Variants in DPP10 observed in about 807,000 individuals in gnomAD.
DPP10 encodes the protein dipeptidyl peptidase like 10.
Under a neutral mutation model 120.9 loss-of-function variants are expected in DPP10, and 33 were observed. The ratio of observed to expected loss-of-function variants is 0.27; its 90% CI spans 0.21 to 0.37. The LOEUF (loss-of-function observed/expected upper bound fraction) is 0.37. DPP10 is among the 10% of genes least tolerant of loss of function. The pLI is 1.00. For missense variants in DPP10, 816 were observed against 942.8 expected, an observed-to-expected ratio of 0.87 and a Z score of 1.76; for synonymous variants, 337 against 326.1, an observed-to-expected ratio of 1.03 and a Z score of -0.36.
At chr2:115,544,866 A>G (rs1229593314) in intron 5 of DPP10, among the ~76,000 whole-genome samples, 4 of 151,960 alleles carry the variant, frequency 2.6e-5, no homozygotes, top group Non-Finnish European at 5.9e-5. Context: ...CTTTTGCTTT[A>G]TTTTGGTTCG....
chr2:114,764,608 A>G (rs1282242851), intron 1 of DPP10, among the ~76,000 whole-genome samples: 2 of 152,056 alleles, frequency 1.3e-5, no homozygotes, highest in Middle Eastern at 3.4e-3. Flanking sequence ...CATGAAGCCT[A>G]ATAATGCATC....
chr2:115,402,949 G>GTA (rs59185016), intron 3 of DPP10, among the ~76,000 whole-genome samples: 4,011 of 140,884 alleles, frequency 0.028, 203 homozygotes, highest in African/African-American at 0.097. Flanking sequence ...ATGTGTGTGT[G>GTA]TATATATATA....
intron 1 of DPP10, among the ~76,000 whole-genome samples, chr2:115,270,169 T>C (rs2059638007): frequency 6.6e-6 from 1 of 151,782 alleles, no homozygotes; most frequent in South Asian, 2.1e-4. Context: ...CCTTTGCAGC[T>C]CTTGTCTGTT....
At chr2:115,070,749 A>G (rs1707297605) in intron 1 of DPP10, among the ~76,000 whole-genome samples, 1 of 152,182 alleles carries the variant, frequency 6.6e-6, no homozygotes, top group East Asian at 1.9e-4. Flanking sequence ...GTAGAATACT[A>G]ATTTGTTAAT....
At chr2:115,015,154 C>T (rs991405929) in intron 1 of DPP10, among the ~76,000 whole-genome samples, 5 of 152,124 alleles carry the variant, frequency 3.3e-5, no homozygotes, top group South Asian at 2.1e-4. Context: ...TTATCCACCA[C>T]GATCAAGTTG....
At chr2:114,790,808 G>T (rs1354248996) in intron 1 of DPP10, among the ~76,000 whole-genome samples, 1 of 152,170 alleles carries the variant, frequency 6.6e-6, no homozygotes, top group Non-Finnish European at 1.5e-5. Flanking sequence ...ATCAGTTAAG[G>T]TGGGGCAGGG....
At chr2:115,796,560 A>C (rs989403598) in intron 19 of DPP10, among the ~76,000 whole-genome samples, 1 of 152,098 alleles carries the variant, frequency 6.6e-6, no homozygotes, top group Non-Finnish European at 1.5e-5. Flanking sequence ...GTATGGGTCC[A>C]TTTCTCTGCA....
intron 1 of DPP10, among the ~76,000 whole-genome samples, chr2:114,700,969 T>C (rs1194282477): frequency 6.6e-6 from 1 of 152,062 alleles, no homozygotes; most frequent in South Asian, 2.1e-4. Context: ...TTCAGCAAAG[T>C]GACAATAGAG....
intron 3 of DPP10, among the ~76,000 whole-genome samples, chr2:115,474,114 A>AG (rs1391629851): frequency 6.6e-6 from 1 of 152,176 alleles, no homozygotes; most frequent in East Asian, 1.9e-4. Context: ...TCTCAGGTAG[A>AG]TTGTTTTGCA....
intron 1 of DPP10, among the ~76,000 whole-genome samples, chr2:114,894,495 T>C (rs1032610503): frequency 6.6e-6 from 1 of 152,194 alleles, no homozygotes; most frequent in Non-Finnish European, 1.5e-5. Context: ...TCGCTAAACC[T>C]CAGTCCACTC....
intron 1 of DPP10, among the ~76,000 whole-genome samples, chr2:115,071,847 C>T (rs1707393909): frequency 6.6e-6 from 1 of 151,950 alleles, no homozygotes; most frequent in Non-Finnish European, 1.5e-5. Flanking sequence ...AATCTAGGCA[C>T]CTCAAAAAAG....
chr2:115,285,583 A>AC (rs2060332036), intron 1 of DPP10, among the ~76,000 whole-genome samples: 2 of 152,106 alleles, frequency 1.3e-5, no homozygotes, highest in East Asian at 3.9e-4. Context: ...GCATGTAAGC[A>AC]GTACCACACT....
chr2:115,309,320 C>T lies in DPP10; in HGVS notation c.142C>T (p.Leu48Phe), dbSNP rs374280028. Reference sequence around the variant, plus strand: ...GCTGGTGATTTTAGTTGTATGCTCACTCATCACTATGTCAGTCATCCTCTT... The same window carrying T: ...GCTGGTGATTTTAGTTGTATGCTCATTCATCACTATGTCAGTCATCCTCTT... ...ALLVILVVCS[L>F]ITMSVILLTP... Residue 48 changes from leucine (L) to phenylalanine (F), a missense_variant, in exon 2 of 26, where the codon CTC becomes TTC. Leu to Phe is a conservative substitution (Grantham distance 22). Transcript: ENST00000410059. The T allele has an allele frequency of 6.8e-5, 110 of 1,613,306 alleles. No individual in the cohort carries two copies. Among genetic ancestry groups the T allele is most frequent in the Non-Finnish European group, 8.6e-5 (102 of 1,179,614 alleles).
chr2:114,792,271 G>T lies in DPP10; in HGVS notation c.60+349433G>T, dbSNP rs576122041. On this transcript the variant is annotated intron_variant, in intron 1 of 25. Transcript: ENST00000410059. ...ATGAATATTAGCAAGTAACACAAAG[G>T]TTCATAATGGCTGATAATGCAGGTG... Among the ~76,000 whole-genome samples the T allele has an allele frequency of 3.9e-5, 6 of 152,230 alleles. No homozygotes were observed. In the South Asian group the frequency reaches 6.2e-4, roughly 16 times the overall value.
At chr2:115,508,287 T>C (rs577398718) in intron 4 of DPP10, among the ~76,000 whole-genome samples, 8 of 152,216 alleles carry the variant, frequency 5.3e-5, no homozygotes, top group Non-Finnish European at 8.8e-5. Context: ...CTCCATAATA[T>C]TTTATATGCT....
At chr2:115,621,447 T>C (rs1398398392) in intron 5 of DPP10, among the ~76,000 whole-genome samples, 2 of 152,178 alleles carry the variant, frequency 1.3e-5, no homozygotes, top group African/African-American at 4.8e-5. Flanking sequence ...AAATAAAAAA[T>C]GAGAACATGA....
intron 8 of DPP10, among the ~76,000 whole-genome samples, chr2:115,734,773 A>G (rs1045108788): frequency 1.3e-5 from 2 of 151,750 alleles, no homozygotes; most frequent in African/African-American, 4.8e-5. Flanking sequence ...TGTCATGTGT[A>G]TAACTCATGT....
At chr2:115,727,324 G>A (rs1348720050) in intron 7 of DPP10, among the ~76,000 whole-genome samples, 1 of 152,060 alleles carries the variant, frequency 6.6e-6, no homozygotes, top group Non-Finnish European at 1.5e-5. Flanking sequence ...TACCATCAGG[G>A]AATCTGTGAG....
intron 1 of DPP10, among the ~76,000 whole-genome samples, chr2:114,963,080 T>C (rs541081863): frequency 6.6e-6 from 1 of 152,326 alleles, no homozygotes; most frequent in Admixed American, 6.5e-5. Flanking sequence ...TTCTTAAGCA[T>C]AGTATTTTTA....
Sources: gnomAD v4.1 joint callset for allele counts (sites outside exome capture counted in the v4.1 genomes callset) on GRCh38, gnomAD v4.1.1 for gene constraint, MANE v1.5 for transcripts, NCBI Gene and HGNC (gene_info 2026-07-23, HGNC 2026-07-21) for gene names.